MTMR14: variants seen among roughly 807,000 people sequenced by gnomAD.
MTMR14 encodes myotubularin related protein 14, also known as phosphatidylinositol-3,5-bisphosphate 3-phosphatase MTMR14.
A neutral mutation model predicts 86.3 loss-of-function variants in MTMR14; 48 were observed. The observed-to-expected ratio is 0.56, with a 90% CI of 0.44 to 0.71. The LOEUF is 0.71. MTMR14 is among the 30% of genes least tolerant of loss of function. The pLI, the probability that MTMR14 is intolerant of heterozygous loss-of-function variation, is 0.00. For synonymous variants in MTMR14, 366 were observed against 326.1 expected, an observed-to-expected ratio of 1.12 and a Z score of -1.32; for missense variants, 780 against 834.6, an observed-to-expected ratio of 0.93 and a Z score of 0.81.
At chr3:9,656,186 T>A (rs1273219768) in intron 2 of MTMR14, among the ~76,000 whole-genome samples, 1 of 151,210 alleles carries the variant, frequency 6.6e-6, no homozygotes, top group Non-Finnish European at 1.5e-5. Flanking sequence ...AGGGTGAGAC[T>A]CCATCTCAAA....
chr3:9,665,279 C>CAAAAAAAAAA (rs748046896), intron 3 of MTMR14, among the ~76,000 whole-genome samples: 2 of 67,004 alleles, frequency 3.0e-5, no homozygotes, highest in African/African-American at 1.0e-4. Flanking sequence ...GAGACTGTCT[C>CAAAAAAAAAA]AAAAAAAAAA....
chr3:9,691,374 C>T (rs2076135828), intron 17 of MTMR14, among the ~76,000 whole-genome samples: 1 of 152,248 alleles, frequency 6.6e-6, no homozygotes. Flanking sequence ...CCTGCTGCCG[C>T]ACCACCCTTG....
intron 18 of MTMR14, among the ~76,000 whole-genome samples, chr3:9,699,005 C>T (rs1295685608): frequency 1.3e-5 from 2 of 151,994 alleles, no homozygotes; most frequent in Non-Finnish European, 2.9e-5. Context: ...CCCGTCTCTA[C>T]TAAAAATACA....
At position 9,701,841 on chromosome 3, in the gene MTMR14, C is replaced by T. The variant is rs749229150; in HGVS notation, c.1821C>T (p.Ala607=). The T allele has an allele frequency of 6.2e-7, 1 of 1,613,760 alleles. No individual in the cohort carries two copies. The highest frequency in any genetic ancestry group is 1.3e-5 in the African/African-American group (1 of 74,954). ...CTCGGCTGCAGGAGGTGCGCTCAGC[C>T]TTCTTGGCTGCGTACAGCAGCACAG... The part of the protein sequence containing the change: ...RETRLQEVRS[A]FLAAYSSTVG... The change falls in exon 19 of 19, where the codon GCC becomes GCT. Residue 607 remains alanine, a synonymous_variant. Coordinates refer to ENST00000296003, the MANE Select transcript of MTMR14 (RefSeq NM_001077525.3). This position sits in a 1 kb window ranked among gnomAD's most constrained non-coding sequence, Gnocchi z 4.2.
At chr3:9,669,354 A>G in intron 4 of MTMR14, 78 bp from the exon 5 acceptor site, 1 of 1,460,284 alleles carries the variant, frequency 6.8e-7, no homozygotes, top group Non-Finnish European at 9.5e-7. Flanking sequence ...CACTATGGGG[A>G]AGGAGGCTGG....
chr3:9,665,314 A>G (rs936210934), intron 3 of MTMR14, among the ~76,000 whole-genome samples: 14 of 151,290 alleles, frequency 9.3e-5, no homozygotes, highest in Admixed American at 4.0e-4. Flanking sequence ...CACGTACCCC[A>G]TAAGTAAATA....
At chr3:9,680,584 G>A (rs1471959196) in intron 9 of MTMR14, among the ~76,000 whole-genome samples, 4 of 152,230 alleles carry the variant, frequency 2.6e-5, no homozygotes, top group South Asian at 2.1e-4. Flanking sequence ...GGTGGCTCAT[G>A]CCTGTAATCC....
rs760856005 is a variant in MTMR14 at position 9,698,175 on chromosome 3, AGAATCGTTT to A, written c.1769+313_1769+321del. ...TCTGTATAAGCCTTTGCCTGACATG[AGAATCGTTT>A]GAAGGCAGAACAGTGGGATAGTGAA... On this transcript the variant is annotated intron_variant, in intron 18 of 18. Transcript: ENST00000296003. 6.8e-4 allele frequency among the ~76,000 whole-genome samples: 103 copies of A among 152,364 alleles called. 1 individual carries two copies. The highest frequency in any genetic ancestry group is 1.0e-3 in the Non-Finnish European group (71 of 68,036).
At position 9,701,604 on chromosome 3, in the gene MTMR14, G is replaced by C. The variant is rs1011375738; in HGVS notation, c.1770-186G>C. ...AGTAGCCTGAGGGCTTAGAGGAATG[G>C]TTTAAGGGAAAACAGGGCCAGATAT... On this transcript the variant is annotated intron_variant, in intron 18 of 18. Coordinates refer to ENST00000296003, the MANE Select transcript of MTMR14 (RefSeq NM_001077525.3). This position sits in a 1 kb window ranked among gnomAD's most constrained non-coding sequence, Gnocchi z 4.2. 1 of 717,688 alleles carries C rather than the reference G, an allele frequency of 1.4e-6. No homozygotes were observed. Among genetic ancestry groups the C allele is most frequent in the South Asian group, 1.6e-5 (1 of 61,714 alleles). 44.5% of individuals were successfully genotyped at this position (717,688 alleles called of 1,614,324 possible). A position where few individuals can be genotyped will look rare whatever the true frequency, so the allele number is the denominator to read the frequency against.
At chr3:9,668,695 G>C in intron 3 of MTMR14, 24 bp from the exon 4 acceptor site, 3 of 1,613,226 alleles carry the variant, frequency 1.9e-6, no homozygotes, top group Non-Finnish European at 2.5e-6. Context: ...CCATCTGACC[G>C]TGAAAATGAT....
At chr3:9,681,324 A>G (rs991702710) in intron 9 of MTMR14, among the ~76,000 whole-genome samples, 9 of 152,202 alleles carry the variant, frequency 5.9e-5, no homozygotes, top group Admixed American at 2.6e-4. Context: ...TCCCTCAGGC[A>G]CTCAGCATTG....
chr3:9,672,694 C>T lies in MTMR14; in HGVS notation c.687C>T (p.Ser229=). The change falls in exon 7 of 19, where the codon TCC becomes TCT. Residue 229 remains serine (S), a synonymous_variant. Coordinates refer to ENST00000296003, the MANE Select transcript of MTMR14 (RefSeq NM_001077525.3). ...KKVKFGMNVT[S]SEKVDKAQRY... is the part of the protein sequence containing the mutation. ...TATCCTTGTCTTGTAGTGTAACCTC[C>T]TCTGAGAAGGTGGACAAAGCCCAGC... 1 of 1,614,098 alleles carries T rather than the reference C, an allele frequency of 6.2e-7. No individual in the cohort carries two copies. The highest frequency in any genetic ancestry group is 1.1e-5 in the South Asian group (1 of 91,080).
intron 18 of MTMR14, chr3:9,700,166 A>C (rs183425197): frequency 6.6e-6 from 1 of 152,280 alleles, no homozygotes; most frequent in Non-Finnish European, 1.5e-5. Flanking sequence ...CTGCTCCCAC[A>C]AGCCCTGGGT....
At chr3:9,666,855 C>T (rs1195623448) in intron 3 of MTMR14, among the ~76,000 whole-genome samples, 4 of 151,276 alleles carry the variant, frequency 2.6e-5, no homozygotes, top group Admixed American at 1.3e-4. Context: ...CAGGAGCCAG[C>T]TTAAAGGGCA....
At chr3:9,657,355 A>C (rs1031608226) in intron 2 of MTMR14, among the ~76,000 whole-genome samples, 2 of 152,236 alleles carry the variant, frequency 1.3e-5, no homozygotes, top group South Asian at 2.1e-4. Flanking sequence ...CTTCAGTAAC[A>C]TAATAGTACA....
chr3:9,668,693 C>T (rs1459804349), intron 3 of MTMR14, 26 bp from the exon 4 acceptor site: 1 of 1,612,892 alleles, frequency 6.2e-7, no homozygotes. Context: ...AACCATCTGA[C>T]CGTGAAAATG....
chr3:9,670,521 A>T (rs1574987621), intron 5 of MTMR14, among the ~76,000 whole-genome samples: 1 of 152,234 alleles, frequency 6.6e-6, no homozygotes, highest in African/African-American at 2.4e-5. Flanking sequence ...TCTTTGCTTC[A>T]TCGGCCTGCT....
chr3:9,682,935 C>T (rs112625046), intron 9 of MTMR14, among the ~76,000 whole-genome samples: 2 of 149,040 alleles, frequency 1.3e-5, no homozygotes, highest in African/African-American at 5.0e-5. Context: ...GGGTCAGAGC[C>T]CCCCCCCCGC....
intron 17 of MTMR14, among the ~76,000 whole-genome samples, chr3:9,695,455 C>T (rs1473535267): frequency 6.6e-6 from 1 of 152,176 alleles, no homozygotes; most frequent in Non-Finnish European, 1.5e-5. Context: ...GATCACACAC[C>T]CTGCTGCTGT....
Sources: gnomAD v4.1 joint callset for allele counts (sites outside exome capture counted in the v4.1 genomes callset) on GRCh38, gnomAD v4.1.1 for gene constraint, Gnocchi (gnomAD v3.1) non-coding constraint, MANE v1.5 for transcripts, NCBI Gene and HGNC (gene_info 2026-07-23, HGNC 2026-07-21) for gene names.